RIC1: variants seen among roughly 807,000 people sequenced by gnomAD.
RIC1 encodes the protein guanine nucleotide exchange factor subunit RIC1.
Under a neutral mutation model 169.0 loss-of-function variants are expected in RIC1, and 88 were observed. The ratio of observed to expected loss-of-function variants is 0.52; its 90% CI spans 0.44 to 0.62. RIC1 has a LOEUF of 0.62. RIC1 is among the 20% of genes least tolerant of loss of function. The pLI, the probability that RIC1 is intolerant of heterozygous loss-of-function variation, is 0.00. For synonymous variants in RIC1, 790 were observed against 601.5 expected (o/e 1.31, Z -4.59); for missense variants, 1,877 against 1,725.5 (o/e 1.09, Z -1.56).
intron 4 of RIC1, among the ~76,000 whole-genome samples, chr9:5,719,728 G>A (rs1220836795): frequency 1.3e-5 from 2 of 152,184 alleles, no homozygotes; most frequent in Non-Finnish European, 2.9e-5. Context: ...CATAGCTACT[G>A]TTTACAGATA....
Position 5,742,857 on chromosome 9 carries a change from A to G in RIC1, c.902-12A>G, listed in dbSNP as rs1412742227. 17 of 1,607,520 alleles carry G rather than the reference A, an allele frequency of 1.1e-5. No individual in the cohort carries two copies. In the East Asian group the frequency reaches 1.3e-4, roughly 13 times the overall value. On this transcript the variant is annotated splice_polypyrimidine_tract_variant and intron_variant, in intron 8 of 25. Transcript: ENST00000414202. ...CTATTTATTTTTAACTCTTCTCACT[A>G]TTTCCTAACAGACATTTGGAATAAA...
At chr9:5,721,396 T>A (rs1178704008) in intron 6 of RIC1, among the ~76,000 whole-genome samples, 3 of 152,200 alleles carry the variant, frequency 2.0e-5, no homozygotes, top group African/African-American at 7.2e-5. Flanking sequence ...GATGATGTCC[T>A]GCTAACAGGC....
chr9:5,684,840 T>G (rs945291537), intron 2 of RIC1, among the ~76,000 whole-genome samples: 7 of 152,212 alleles, frequency 4.6e-5, no homozygotes, highest in Non-Finnish European at 8.8e-5. Context: ...AGTTTCCCAT[T>G]TCTTCCTAAT....
At position 5,757,389 on chromosome 9, in the gene RIC1, G is replaced by A. The variant is rs1385782523; in HGVS notation, c.1930G>A (p.Val644Ile). ...SRYIPHPFLVVSVTLTSVSTE... is the reference protein window; with the variant it reads ...SRYIPHPFLVISVTLTSVSTE... ...CTACATTCCTCACCCTTTCCTGGTG[G>A]TATCTGTCACTCTGACATCAGTGAG... The change falls in exon 17 of 26, where the codon GTA (valine) becomes ATA (isoleucine). Residue 644 changes from valine to isoleucine, a missense_variant. Transcript: ENST00000414202. The A allele has an allele frequency of 5.6e-6, 9 of 1,613,972 alleles. 1 individual carries two copies. The South Asian group carries it at 7.7e-5, about 14-fold the overall frequency.
intron 2 of RIC1, among the ~76,000 whole-genome samples, chr9:5,670,158 T>C (rs1191660334): frequency 6.6e-6 from 1 of 152,214 alleles, no homozygotes; most frequent in Non-Finnish European, 1.5e-5. Context: ...TTGAGCCCCT[T>C]CTGCAGCTTC....
intron 4 of RIC1, 124 bp from the exon 5 acceptor site, chr9:5,720,058 T>C: frequency 1.5e-6 from 1 of 653,286 alleles, no homozygotes; most frequent in Non-Finnish European, 2.5e-6. Flanking sequence ...TGCAGATAAA[T>C]GGAGATGTTT....
At chr9:5,717,580 C>T (rs935296509) in intron 4 of RIC1, among the ~76,000 whole-genome samples, 2 of 152,172 alleles carry the variant, frequency 1.3e-5, no homozygotes, top group Non-Finnish European at 2.9e-5. Flanking sequence ...CACAGTAGCT[C>T]ACACCTATAA....
At chr9:5,750,812 T>C (rs1825678943) in intron 12 of RIC1, among the ~76,000 whole-genome samples, 1 of 151,670 alleles carries the variant, frequency 6.6e-6, no homozygotes, top group South Asian at 2.1e-4. Flanking sequence ...TGCCATTCCC[T>C]TTTATCAAGT....
At chr9:5,692,484 A>C (rs1821642478) in intron 3 of RIC1, among the ~76,000 whole-genome samples, 1 of 152,078 alleles carries the variant, frequency 6.6e-6, no homozygotes, top group Non-Finnish European at 1.5e-5. Context: ...ATATATACAT[A>C]TATATCTACT....
chr9:5,685,271 AACTACTTTAAAGTTCATATGGAACC>A (rs1375487531), intron 2 of RIC1, among the ~76,000 whole-genome samples: 2 of 150,560 alleles, frequency 1.3e-5, no homozygotes, highest in African/African-American at 4.9e-5. Context: ...AATTGGAAAA[AACTACTTTAAAGTTCATATGGAACC>A]AAAAAAGAGC....
At chr9:5,752,920 C>A (rs527595172) in intron 12 of RIC1, among the ~76,000 whole-genome samples, 2 of 152,278 alleles carry the variant, frequency 1.3e-5, no homozygotes, top group African/African-American at 4.8e-5. Flanking sequence ...CTCTGAAAAT[C>A]TCTTGTCAGT....
chr9:5,653,608 C>CTTTT (rs1183386016), intron 1 of RIC1, among the ~76,000 whole-genome samples: 1 of 151,164 alleles, frequency 6.6e-6, no homozygotes. Flanking sequence ...TTCTTTCTTT[C>CTTTT]TTTTTTTGAG....
intron 2 of RIC1, among the ~76,000 whole-genome samples, chr9:5,665,441 A>G (rs1337454564): frequency 6.6e-6 from 1 of 152,176 alleles, no homozygotes; most frequent in Non-Finnish European, 1.5e-5. Flanking sequence ...TACTTCTGTC[A>G]TTCAGCTTTC....
chr9:5,736,176 G>C (rs1323401129), intron 7 of RIC1, among the ~76,000 whole-genome samples: 4 of 152,208 alleles, frequency 2.6e-5, no homozygotes. Context: ...ACAGTTGTCA[G>C]ATGCAAAGCA....
chr9:5,726,574 G>T (rs958982345), intron 6 of RIC1, among the ~76,000 whole-genome samples: 33 of 152,186 alleles, frequency 2.2e-4, no homozygotes, highest in Non-Finnish European at 8.8e-5. Flanking sequence ...CTATTGTTAT[G>T]TGTGAATTTG....
intron 6 of RIC1, among the ~76,000 whole-genome samples, chr9:5,726,560 G>T (rs71498633): frequency 0.02 from 2,970 of 152,230 alleles, 35 homozygotes; most frequent in Non-Finnish European, 0.024. Flanking sequence ...TACATTTAAG[G>T]TTACTATTGT....
At chr9:5,755,658 C>T (rs1239814138) in intron 15 of RIC1, among the ~76,000 whole-genome samples, 1 of 152,204 alleles carries the variant, frequency 6.6e-6, no homozygotes, top group Non-Finnish European at 1.5e-5. Context: ...TGCAGTGGCT[C>T]ATGCCTGTAA....
chr9:5,669,261 G>A (rs1056268122), intron 2 of RIC1, among the ~76,000 whole-genome samples: 7 of 152,232 alleles, frequency 4.6e-5, no homozygotes, highest in Non-Finnish European at 8.8e-5. Context: ...TACCCAATTT[G>A]TAGTCTTTTA....
intron 2 of RIC1, among the ~76,000 whole-genome samples, chr9:5,686,862 A>G (rs1337126584): frequency 1.3e-5 from 2 of 152,210 alleles, no homozygotes. Flanking sequence ...GCCTCATAAA[A>G]TGAGATAGGA....
Sources: allele counts gnomAD v4.1 joint callset (sites outside exome capture counted in the v4.1 genomes callset), GRCh38; gene constraint gnomAD v4.1.1; transcripts MANE v1.5; gene names NCBI Gene and HGNC (gene_info 2026-07-23, HGNC 2026-07-21).